The following MAEL variants were observed in gnomAD, a reference collection of about 807,000 sequenced individuals.
The protein encoded by MAEL is maelstrom spermatogenic transposon silencer.
MAEL carries 46 observed loss-of-function variants against 62.0 expected under a neutral mutation model. The ratio of observed to expected loss-of-function variants is 0.74; its 90% CI spans 0.59 to 0.95. The LOEUF is 0.95. Among genes scored for constraint, MAEL ranks in the 40% least tolerant of loss-of-function variants. The probability of loss-of-function intolerance (pLI) is 0.00; values close to 1 mark genes in which losing one functional copy is unlikely to be tolerated. For synonymous variants in MAEL, 172 were observed against 175.5 expected, an observed-to-expected ratio of 0.98 and a Z score of 0.16; for missense variants, 497 against 526.8, an observed-to-expected ratio of 0.94 and a Z score of 0.55.
chr1:166,992,860 TG>T lies in MAEL; in HGVS notation c.481+20del. The stretch of plus-strand genomic sequence containing the variant: ...AATCCTGGTAAGTAGTCAGAGTAGA[TG>T]CTAGATCTTAAACGTGTATGGTTTT... On this transcript the variant is annotated intron_variant, in intron 4 of 11. Transcript: ENST00000367872. The T allele has an allele frequency of 6.4e-7, 1 of 1,555,440 alleles. No homozygotes were observed. The highest frequency in any genetic ancestry group is 1.4e-5 in the African/African-American group (1 of 71,076).
intron 8 of MAEL, among the ~76,000 whole-genome samples, chr1:167,010,196 G>A (rs1224283756): frequency 3.3e-5 from 5 of 152,118 alleles, no homozygotes; most frequent in Non-Finnish European, 7.4e-5. Flanking sequence ...TGTGAAGAAG[G>A]TGGCTGCTTC....
At chr1:167,020,659 C>T (rs1255196561) in intron 10 of MAEL, among the ~76,000 whole-genome samples, 2 of 152,234 alleles carry the variant, frequency 1.3e-5, no homozygotes, top group African/African-American at 2.4e-5. Context: ...CACTCATCTA[C>T]GTGCATCTAC....
intron 5 of MAEL, among the ~76,000 whole-genome samples, chr1:167,000,668 A>G (rs1664623697): frequency 6.6e-6 from 1 of 152,240 alleles, no homozygotes; most frequent in Non-Finnish European, 1.5e-5. Context: ...TCATGAGAGG[A>G]AGAGTCAGTC....
At chr1:167,001,254 TGGG>T (rs1168847008) in intron 5 of MAEL, among the ~76,000 whole-genome samples, 1 of 151,970 alleles carries the variant, frequency 6.6e-6, no homozygotes, top group Admixed American at 6.6e-5. Context: ...TTTGGGGACT[TGGG>T]GGCAGAAGGG....
intron 8 of MAEL, among the ~76,000 whole-genome samples, chr1:167,007,878 AAAT>A (rs1489611142): frequency 6.6e-6 from 1 of 152,120 alleles, no homozygotes; most frequent in Non-Finnish European, 1.5e-5. Flanking sequence ...TATATAGTCA[AAAT>A]ACTTTGTTCA....
At chr1:166,989,695 C>G (rs776095009) in intron 1 of MAEL, 42 bp from the exon 2 acceptor site, 2 of 1,591,170 alleles carry the variant, frequency 1.3e-6, no homozygotes, top group Non-Finnish European at 1.7e-6. Flanking sequence ...GCACGGGATC[C>G]TCACGGCTGT....
rs560639243 is a variant in MAEL, at chr1:166,995,682, A to T, written c.523+1613A>T. ...TATTGAACTAGATGGCAGTTAAAAA[A>T]AAAAAATAAAAAAAAAATGGAAACT... On this transcript the variant is annotated intron_variant, in intron 5 of 11. Transcript: ENST00000367872. Among the ~76,000 whole-genome samples the T allele has an allele frequency of 1.8e-4, 28 of 151,686 alleles. No individual in the cohort carries two copies. In the South Asian group the frequency reaches 2.9e-3, roughly 16 times the overall value.
At chr1:167,017,641 G>A (rs1298874904) in intron 9 of MAEL, among the ~76,000 whole-genome samples, 186 bp from the exon 10 acceptor site, 1 of 152,152 alleles carries the variant, frequency 6.6e-6, no homozygotes, top group Non-Finnish European at 1.5e-5. Context: ...TTGCTTAGCA[G>A]TAATAACCTG....
At chr1:167,010,628 C>T (rs528977918) in intron 8 of MAEL, among the ~76,000 whole-genome samples, 10 of 151,994 alleles carry the variant, frequency 6.6e-5, no homozygotes, top group African/African-American at 2.2e-4. Flanking sequence ...TTTCATTTGT[C>T]GTGGAGACAG....
At chr1:166,985,553 A>C (rs1400672076), upstream of MAEL, among the ~76,000 whole-genome samples, 1 of 152,236 alleles carries the variant, frequency 6.6e-6, no homozygotes, top group South Asian at 2.1e-4. Flanking sequence ...CAGTACTCAG[A>C]AAGATGTTAT....
chr1:167,009,853 C>T (rs1665091542), intron 8 of MAEL, among the ~76,000 whole-genome samples: 1 of 147,910 alleles, frequency 6.8e-6, no homozygotes, highest in African/African-American at 2.4e-5. Context: ...TCTTTTTTTT[C>T]CCCTCTCTTT....
intron 1 of MAEL, among the ~76,000 whole-genome samples, chr1:166,978,649 T>G (rs761906562): frequency 6.6e-6 from 1 of 152,182 alleles, no homozygotes; most frequent in Admixed American, 6.5e-5. Flanking sequence ...CCCCAGGTGC[T>G]TCCAATGCAC....
In MAEL at chr1:167,021,849, A is replaced by G. The variant is rs370018714; in HGVS notation, c.1299A>G (p.Leu433=). The G allele has an allele frequency of 3.7e-6, 6 of 1,600,388 alleles. No homozygotes were observed. Among genetic ancestry groups the G allele is most frequent in the African/African-American group, 1.3e-5 (1 of 74,462 alleles). The part of the protein sequence containing the change: ...QKDGYKSFSS[L]S ...ATGGATACAAATCTTTCTCTTCCTTATCTTAATGATGGTACTCTTTTCAAT... is the reference window on the plus strand; with the variant it reads ...ATGGATACAAATCTTTCTCTTCCTTGTCTTAATGATGGTACTCTTTTCAAT... Residue 433 remains leucine (L), a synonymous_variant, in exon 12 of 12, where the codon TTA becomes TTG. Coordinates refer to ENST00000367872, the MANE Select transcript of MAEL (RefSeq NM_032858.3).
intron 8 of MAEL, among the ~76,000 whole-genome samples, chr1:167,009,763 A>G (rs1665085813): frequency 1.3e-5 from 2 of 151,310 alleles, no homozygotes; most frequent in East Asian, 3.9e-4. Flanking sequence ...TGCTTTCTTC[A>G]GTTTCTCTTA....
In MAEL at chr1:166,992,847, TAGTC is replaced by T; in HGVS notation, c.481+9_481+12del. 2.5e-6 allele frequency: 4 copies of T among 1,579,250 alleles called. No homozygotes were observed. Among genetic ancestry groups the T allele is most frequent in the Non-Finnish European group, 3.4e-6 (4 of 1,169,196 alleles). On this transcript the variant is annotated splice_region_variant and intron_variant, in intron 4 of 11. Transcript: ENST00000367872. ...CCACAGTTTTATAAATCCTGGTAAG[TAGTC>T]AGAGTAGATGCTAGATCTTAAACGT...
chr1:166,993,321 T>C (rs1309037748), intron 4 of MAEL, among the ~76,000 whole-genome samples: 1 of 152,130 alleles, frequency 6.6e-6, no homozygotes, highest in Non-Finnish European at 1.5e-5. Flanking sequence ...ATGACAAATA[T>C]GGAAATAGCC....
chr1:166,989,086 G>T (rs1664025558), upstream of MAEL: 8 of 447,250 alleles, frequency 1.8e-5, no homozygotes, highest in Admixed American at 2.1e-4. Context: ...CAATGCCTCC[G>T]CCTGCCACGC....
chr1:167,003,288 A>C (rs893902800), intron 5 of MAEL, among the ~76,000 whole-genome samples: 4 of 152,162 alleles, frequency 2.6e-5, no homozygotes, highest in African/African-American at 9.7e-5. Flanking sequence ...TTTATGCTAA[A>C]ATTGGTAATT....
At chr1:167,012,770 C>G (rs1367895082) in intron 8 of MAEL, among the ~76,000 whole-genome samples, 2 of 151,880 alleles carry the variant, frequency 1.3e-5, no homozygotes, top group Admixed American at 1.3e-4. Context: ...AGAAGAGCAC[C>G]CTGGACAGAG....
Sources: gnomAD v4.1 joint callset for allele counts (sites outside exome capture counted in the v4.1 genomes callset) on GRCh38, gnomAD v4.1.1 for gene constraint, MANE v1.5 for transcripts, NCBI Gene and HGNC (gene_info 2026-07-23, HGNC 2026-07-21) for gene names.